Variants in MTNR1A observed in about 807,000 individuals in gnomAD.
MTNR1A encodes melatonin receptor 1A, also known as melatonin receptor type 1A.
Under a neutral mutation model 5.5 loss-of-function variants are expected in MTNR1A, and 7 were observed. The ratio of observed to expected loss-of-function variants is 1.28; its 90% CI spans 0.73 to 2.40. The LOEUF (loss-of-function observed/expected upper bound fraction) is 2.40. Ranked by LOEUF, MTNR1A falls within the 30% of genes most tolerant of loss-of-function variation. The probability of loss-of-function intolerance (pLI) is 0.00; values close to 1 mark genes in which losing one functional copy is unlikely to be tolerated. For synonymous variants in MTNR1A, 196 were observed against 202.7 expected (o/e 0.97, Z 0.28); for missense variants, 441 against 464.4 (o/e 0.95, Z 0.46).
At chr4:186,547,534 T>C (rs1737180614) in intron 1 of MTNR1A, among the ~76,000 whole-genome samples, 1 of 152,164 alleles carries the variant, frequency 6.6e-6, no homozygotes, top group African/African-American at 2.4e-5. Flanking sequence ...CGCGGTTGTC[T>C]GAACACCCTG....
Position 186,545,315 on chromosome 4 carries a change from G to A in MTNR1A, c.184+9867C>T, listed in dbSNP as rs77919801. 5.8e-3 allele frequency among the ~76,000 whole-genome samples: 886 copies of A among 152,126 alleles called. 13 individuals carry two copies. The highest frequency in any genetic ancestry group is 0.02 in the African/African-American group (835 of 41,488). On this transcript the variant is annotated intron_variant, in intron 1 of 1. Transcript: ENST00000307161. ...GAGTTACAGGCTGTAGCTGCCCACC[G>A]GCACTGCTCTTCCATGCTTCCAACC...
intron 1 of MTNR1A, among the ~76,000 whole-genome samples, chr4:186,547,870 G>A (rs1737190997): frequency 1.3e-5 from 2 of 152,132 alleles, no homozygotes; most frequent in Non-Finnish European, 2.9e-5. Context: ...TGTTAAAGGT[G>A]TAACATCCTG....
intron 1 of MTNR1A, among the ~76,000 whole-genome samples, chr4:186,551,600 G>A (rs965429860): frequency 1.3e-5 from 2 of 152,076 alleles, no homozygotes; most frequent in Non-Finnish European, 2.9e-5. Context: ...ATGGATGAAT[G>A]GGTGGTTGGA....
chr4:186,555,110 G>A lies in MTNR1A; in HGVS notation c.184+72C>T. On this transcript the variant is annotated intron_variant, in intron 1 of 1. Coordinates refer to ENST00000307161, the MANE Select transcript of MTNR1A (RefSeq NM_005958.4). The surrounding 1 kb of genome is among the most constrained non-coding windows in gnomAD (Gnocchi z 4.1). Reference sequence around the variant, plus strand: ...TTTAGGAAAAAGAACCAAGTGCTTGGGGAAGGCTGGCTGCCCGCGGAGAGG... The same window carrying A: ...TTTAGGAAAAAGAACCAAGTGCTTGAGGAAGGCTGGCTGCCCGCGGAGAGG... 1.4e-6 allele frequency: 2 copies of A among 1,467,182 alleles called. No individual in the cohort carries two copies. The highest frequency in any genetic ancestry group is 1.2e-5 in the South Asian group (1 of 82,164). 90.9% of individuals were successfully genotyped at this position (1,467,182 alleles called of 1,614,324 possible).
chr4:186,549,881 C>T (rs746402648), intron 1 of MTNR1A, among the ~76,000 whole-genome samples: 4 of 152,256 alleles, frequency 2.6e-5, no homozygotes, highest in Middle Eastern at 6.8e-3. Context: ...TCAATAAGCA[C>T]CAAAACTACT....
Position 186,554,890 on chromosome 4 carries a change from C to T in MTNR1A, c.184+292G>A, listed in dbSNP as rs192194036. Among the ~76,000 whole-genome samples the T allele has an allele frequency of 5.9e-5, 9 of 152,328 alleles. No homozygotes were observed. The East Asian group carries it at 1.7e-3, about 29-fold the overall frequency. ...TTGAGGAACTTTCTGCAGCCTGGAC[C>T]TGAGGCTTCTCAATCTAATAAACCT... On this transcript the variant is annotated intron_variant, in intron 1 of 1. Transcript: ENST00000307161.
intron 1 of MTNR1A, among the ~76,000 whole-genome samples, chr4:186,535,545 G>A (rs1324204282): frequency 6.6e-6 from 1 of 152,100 alleles, no homozygotes; most frequent in Non-Finnish European, 1.5e-5. Flanking sequence ...CCAAGCAGCA[G>A]GGACCACAGG....
chr4:186,554,383 G>T (rs1443650352), intron 1 of MTNR1A, among the ~76,000 whole-genome samples: 3 of 152,080 alleles, frequency 2.0e-5, no homozygotes, highest in Non-Finnish European at 4.4e-5. Context: ...TCCCAAAAGT[G>T]CCTCCAAATA....
In MTNR1A at chr4:186,555,354, G is replaced by T. The variant is rs1233680090; in HGVS notation, c.12C>A (p.Asn4Lys). 1 of 1,539,154 alleles carries T rather than the reference G, an allele frequency of 6.5e-7. No homozygotes were observed. MQG[N>K]GSALPNASQP... Reference sequence around the variant, plus strand: ...GGGAGGCGTTGGGCAGCGCGCTGCCGTTGCCCTGCATGGTCCCTGTGCGCG... The same window carrying T: ...GGGAGGCGTTGGGCAGCGCGCTGCCTTTGCCCTGCATGGTCCCTGTGCGCG... The change falls in exon 1 of 2, where the codon AAC becomes AAA. Residue 4 changes from asparagine to lysine, a missense_variant. Coordinates refer to ENST00000307161, the MANE Select transcript of MTNR1A (RefSeq NM_005958.4). This position sits in a 1 kb window ranked among gnomAD's most constrained non-coding sequence, Gnocchi z 4.1.
chr4:186,545,106 G>A (rs866071633), intron 1 of MTNR1A, among the ~76,000 whole-genome samples: 2 of 152,056 alleles, frequency 1.3e-5, no homozygotes, highest in Non-Finnish European at 2.9e-5. Context: ...CCCTGAGAGT[G>A]CTCCCTCAGC....
chr4:186,547,589 G>A (rs777035103), intron 1 of MTNR1A, among the ~76,000 whole-genome samples: 17 of 152,266 alleles, frequency 1.1e-4, no homozygotes, highest in Non-Finnish European at 2.4e-4. Flanking sequence ...TGGATTCCAC[G>A]TGTCCTCCTG....
Position 186,533,938 on chromosome 4 carries a change from C to T in MTNR1A, c.804G>A (p.Met268Ile), listed in dbSNP as rs1457400777. The change falls in exon 2 of 2, where the codon ATG becomes ATA. Residue 268 changes from methionine to isoleucine, a missense_variant. Coordinates refer to ENST00000307161, the MANE Select transcript of MTNR1A (RefSeq NM_005958.4). The stretch of plus-strand genomic sequence containing the variant: ...ACAGCCACTCTGGGATCCTAGGCAC[C>T]ATGCTGGCGGGGTCAGAGGCCACGG... ...GLAVASDPAS[M>I]VPRIPEWLFV... 1 of 1,614,130 alleles carries T rather than the reference C, an allele frequency of 6.2e-7. No individual in the cohort carries two copies. Among genetic ancestry groups the T allele is most frequent in the South Asian group, 1.1e-5 (1 of 91,074 alleles).
At chr4:186,544,115 G>A (rs1400331901) in intron 1 of MTNR1A, among the ~76,000 whole-genome samples, 1 of 152,126 alleles carries the variant, frequency 6.6e-6, no homozygotes, top group Non-Finnish European at 1.5e-5. Flanking sequence ...ACCCCCACTG[G>A]GTTCAAGCAA....
At chr4:186,546,854 G>C (rs866177038) in intron 1 of MTNR1A, among the ~76,000 whole-genome samples, 177 of 110,490 alleles carry the variant, frequency 1.6e-3, no homozygotes, top group African/African-American at 3.7e-3. Context: ...CACCCTGTTC[G>C]TGGGACACAC....
intron 1 of MTNR1A, among the ~76,000 whole-genome samples, chr4:186,539,406 C>T (rs1736955351): frequency 1.3e-5 from 2 of 152,060 alleles, no homozygotes; most frequent in Non-Finnish European, 2.9e-5. Context: ...AGAACAAGGC[C>T]CTGAAGGCTG....
In MTNR1A at chr4:186,555,551, A is replaced by C. The variant is rs1336286544; in HGVS notation, c.-186T>G. 9.2e-5 allele frequency: 31 copies of C among 337,252 alleles called. No homozygotes were observed. The highest frequency in any genetic ancestry group is 1.5e-4 in the Non-Finnish European group (30 of 200,754). 20.9% of individuals were successfully genotyped at this position (337,252 alleles called of 1,614,324 possible). A position where few individuals can be genotyped will look rare whatever the true frequency, so the allele number is the denominator to read the frequency against. On this transcript the variant is annotated 5_prime_UTR_variant, in exon 1 of 2. Coordinates refer to ENST00000307161, the MANE Select transcript of MTNR1A (RefSeq NM_005958.4). The surrounding 1 kb of genome is among the most constrained non-coding windows in gnomAD (Gnocchi z 4.1). Reference sequence around the variant, plus strand: ...CAGGTGACACCTGGTGTCCGCCGCGAGCCCGCTTGGATTCCCCGCCCGCAG... The same window carrying C: ...CAGGTGACACCTGGTGTCCGCCGCGCGCCCGCTTGGATTCCCCGCCCGCAG...
chr4:186,540,780 T>C (rs927540185), intron 1 of MTNR1A, among the ~76,000 whole-genome samples: 4 of 146,408 alleles, frequency 2.7e-5, no homozygotes, highest in African/African-American at 7.7e-5. Context: ...GCTGTCTGAC[T>C]GAAGGAAGGA....
rs1226937766 is a variant in MTNR1A at position 186,536,354 on chromosome 4, AAAAAGAAAAAAAAG to A, written c.185-1811_185-1798del. Among the ~76,000 whole-genome samples the A allele has an allele frequency of 9.1e-4, 91 of 99,696 alleles. 1 individual carries two copies. In the East Asian group the frequency reaches 0.046, roughly 50 times the overall value. 65.4% of individuals were successfully genotyped at this position (99,696 alleles called of 152,430 possible). ...AGAGCAAAACTCCGTATCAAAAAAA[AAAAAGAAAAAAAAG>A]AAAAAGAAAATTACACTAGAGTAAG... On this transcript the variant is annotated intron_variant, in intron 1 of 1. Coordinates refer to ENST00000307161, the MANE Select transcript of MTNR1A (RefSeq NM_005958.4).
chr4:186,546,231 A>G (rs1306081442), intron 1 of MTNR1A, among the ~76,000 whole-genome samples: 1 of 152,012 alleles, frequency 6.6e-6, no homozygotes, highest in Non-Finnish European at 1.5e-5. Flanking sequence ...TGCTTCACGG[A>G]AGGTTCCTCC....
Sources: allele counts gnomAD v4.1 joint callset (sites outside exome capture counted in the v4.1 genomes callset), GRCh38; gene constraint gnomAD v4.1.1; non-coding constraint Gnocchi (gnomAD v3.1); transcripts MANE v1.5; gene names NCBI Gene and HGNC (gene_info 2026-07-23, HGNC 2026-07-21).